The following IRAG1 variants were observed in gnomAD, a reference collection of about 807,000 sequenced individuals.
IRAG1 encodes the protein inositol 1,4,5-triphosphate receptor associated 1.
IRAG1 carries 62 observed loss-of-function variants against 106.2 expected under a neutral mutation model. That is an observed-to-expected ratio of 0.58 (90% confidence interval 0.48 to 0.72). The LOEUF is 0.72. Ranked by LOEUF, IRAG1 falls within the 30% of genes least tolerant of loss-of-function variation. IRAG1 has a pLI of 0.00. For synonymous variants in IRAG1, 462 were observed against 443.9 expected (o/e 1.04, Z -0.51); for missense variants, 1,064 against 1,140.7 (o/e 0.93, Z 0.97).
intron 8 of IRAG1, among the ~76,000 whole-genome samples, chr11:10,626,944 T>C (rs1856289665): frequency 6.6e-6 from 1 of 152,122 alleles, no homozygotes. Context: ...CCCTCTGAAA[T>C]TATGTATGTG....
Position 10,647,597 on chromosome 11 carries a change from C to T in IRAG1, c.225+4428G>A, listed in dbSNP as rs1259564878. On this transcript the variant is annotated intron_variant, in intron 2 of 20. Coordinates refer to ENST00000423302, the MANE Select transcript of IRAG1 (RefSeq NM_130385.4). This position sits in a 1 kb window ranked among gnomAD's most constrained non-coding sequence, Gnocchi z 4.3. ...GAGTTGTTCAGGTGGAAGCTAGAGC[C>T]GGTGAAAATTGGGCTCTTACAGCTA... Among the ~76,000 whole-genome samples, 1 of 152,122 alleles carries T rather than the reference C, an allele frequency of 6.6e-6. No individual in the cohort carries two copies. The highest frequency in any genetic ancestry group is 2.4e-5 in the African/African-American group (1 of 41,400).
chr11:10,662,982 T>C (rs775628276), intron 1 of IRAG1, among the ~76,000 whole-genome samples: 3 of 152,200 alleles, frequency 2.0e-5, no homozygotes, highest in Admixed American at 1.3e-4. Flanking sequence ...GTGGGCTGAA[T>C]CTGAGCCAAC....
intron 10 of IRAG1, chr11:10,611,430 G>A (rs554666383): frequency 5.9e-5 from 9 of 152,268 alleles, no homozygotes; most frequent in Non-Finnish European, 1.0e-4. Flanking sequence ...TAGGATGATC[G>A]AAACATATGA....
intron 4 of IRAG1, 90 bp from the exon 5 acceptor site, chr11:10,629,801 C>G: frequency 1.5e-6 from 2 of 1,363,442 alleles, no homozygotes; most frequent in Non-Finnish European, 2.0e-6. Flanking sequence ...CCCAGGGACT[C>G]TGCCCACAGC....
intron 11 of IRAG1, among the ~76,000 whole-genome samples, chr11:10,607,836 C>T (rs538571726): frequency 3.9e-5 from 6 of 152,278 alleles, no homozygotes; most frequent in East Asian, 1.9e-4. Flanking sequence ...ATGAAGTCAG[C>T]GGAGTCCAGA....
At chr11:10,606,824 C>T (rs1854514663) in intron 11 of IRAG1, 52 bp from the exon 12 acceptor site, 2 of 1,507,484 alleles carry the variant, frequency 1.3e-6, no homozygotes, top group East Asian at 4.9e-5. Flanking sequence ...GTCAATAGAC[C>T]CAAAGGTGAC....
intron 1 of IRAG1, among the ~76,000 whole-genome samples, chr11:10,670,260 C>A (rs1444701257): frequency 6.6e-6 from 1 of 152,188 alleles, no homozygotes; most frequent in African/African-American, 2.4e-5. Flanking sequence ...ACTGTTTACA[C>A]AACAGGATCT....
rs149007500 is a variant in IRAG1, at chr11:10,668,099, TC to T, written c.68-15918del. 5.0e-3 allele frequency among the ~76,000 whole-genome samples: 763 copies of T among 152,262 alleles called. 10 individuals carry two copies. Among genetic ancestry groups the T allele is most frequent in the African/African-American group, 0.018 (748 of 41,540 alleles). ...GTCACTCCCTCTGCCTAGAAGGCCA[TC>T]CCCCCATCTGTCTCCATGAAAGACC... On this transcript the variant is annotated intron_variant, in intron 1 of 20. Transcript: ENST00000423302.
intron 15 of IRAG1, among the ~76,000 whole-genome samples, chr11:10,599,256 C>T (rs191798676): frequency 6.6e-6 from 1 of 152,296 alleles, no homozygotes; most frequent in East Asian, 1.9e-4. Flanking sequence ...ACTGTGTGCC[C>T]TTTACCTCTA....
intron 15 of IRAG1, among the ~76,000 whole-genome samples, chr11:10,594,736 T>G (rs190991252): frequency 1.1e-3 from 174 of 152,330 alleles, no homozygotes; most frequent in Admixed American, 3.2e-3. Context: ...CGTAATATGT[T>G]TAGCTTCATA....
intron 15 of IRAG1, among the ~76,000 whole-genome samples, chr11:10,596,199 G>T (rs1853287883): frequency 6.6e-6 from 1 of 152,006 alleles, no homozygotes; most frequent in African/African-American, 2.4e-5. Context: ...TCTTCCTTAG[G>T]TACATCCTCT....
chr11:10,604,542 C>T lies in IRAG1; in HGVS notation c.1606G>A (p.Val536Met), dbSNP rs760560220. The change falls in exon 13 of 21, where the codon GTG becomes ATG. Residue 536 changes from valine to methionine, a missense_variant. Val to Met is a conservative substitution (Grantham distance 21). Transcript: ENST00000423302. ...AAGGCCAAGGACAGTTGCACAAACA[C>T]GTTCTGTTGGGAACAAGGGTGTGAG... ...PPLTEKEVENVFVQLSLAFRN... is the reference protein window; with the variant it reads ...PPLTEKEVENMFVQLSLAFRN... 6 of 1,614,038 alleles carry T rather than the reference C, an allele frequency of 3.7e-6. No individual in the cohort carries two copies. Among genetic ancestry groups the T allele is most frequent in the Middle Eastern group, 1.7e-4 (1 of 6,060 alleles).
chr11:10,639,274 A>C (rs958752474), intron 2 of IRAG1, among the ~76,000 whole-genome samples: 2 of 152,196 alleles, frequency 1.3e-5, no homozygotes, highest in Admixed American at 6.5e-5. Flanking sequence ...AACTTGAAGT[A>C]ACCAACAATA....
At chr11:10,666,109 T>C (rs987728134) in intron 1 of IRAG1, among the ~76,000 whole-genome samples, 2 of 152,184 alleles carry the variant, frequency 1.3e-5, no homozygotes, top group African/African-American at 4.8e-5. Flanking sequence ...GAAGTAACCA[T>C]AGAGAATTTC....
At chr11:10,658,931 G>A (rs965333822) in intron 1 of IRAG1, among the ~76,000 whole-genome samples, 19 of 151,248 alleles carry the variant, frequency 1.3e-4, no homozygotes, top group African/African-American at 4.4e-4. Context: ...TGTCTGTGCT[G>A]TGCTCAGTCC....
intron 2 of IRAG1, among the ~76,000 whole-genome samples, chr11:10,649,742 G>A (rs1858307538): frequency 6.6e-6 from 1 of 152,122 alleles, no homozygotes; most frequent in Non-Finnish European, 1.5e-5. Flanking sequence ...ACAATGGGGG[G>A]AGGGTTCCAT....
chr11:10,610,841 C>T (rs1591604438), intron 10 of IRAG1, among the ~76,000 whole-genome samples: 1 of 152,210 alleles, frequency 6.6e-6, no homozygotes, highest in African/African-American at 2.4e-5. Context: ...ATCAGTTATC[C>T]TCATCCTGTA....
intron 1 of IRAG1, 109 bp from the exon 2 acceptor site, chr11:10,652,291 C>T: frequency 6.5e-7 from 1 of 1,534,892 alleles, no homozygotes; most frequent in Non-Finnish European, 8.8e-7. Flanking sequence ...GAGTTTGCAT[C>T]AACACCGGAG....
rs924403013 is a variant in IRAG1 at position 10,574,365 on chromosome 11, C to G, written c.*1967G>C. On this transcript the variant is annotated 3_prime_UTR_variant, in exon 21 of 21. Transcript: ENST00000423302. ...TTTGAGCAACATTTAATGACACCCT[C>G]CCAAGCGTCAGCCACCATGCTAGGC... 6.6e-6 allele frequency: 1 copy of G among 152,152 alleles called. No homozygotes were observed. The highest frequency in any genetic ancestry group is 2.4e-5 in the African/African-American group (1 of 41,432). 9.4% of individuals were successfully genotyped at this position (152,152 alleles called of 1,614,324 possible).
Sources: allele counts gnomAD v4.1 joint callset (sites outside exome capture counted in the v4.1 genomes callset), GRCh38; gene constraint gnomAD v4.1.1; non-coding constraint Gnocchi (gnomAD v3.1); transcripts MANE v1.5; gene names NCBI Gene and HGNC (gene_info 2026-07-23, HGNC 2026-07-21).